CELF2: variants seen among roughly 807,000 people sequenced by gnomAD.
CELF2 encodes CUGBP Elav-like family member 2.
In CELF2, 8 loss-of-function variants were observed where a neutral mutation model predicts 62.6. The ratio of observed to expected loss-of-function variants is 0.13; its 90% CI spans 0.07 to 0.23. CELF2 has a LOEUF of 0.23. Among genes scored for constraint, CELF2 ranks in the 10% least tolerant of loss-of-function variants. The pLI is 1.00. For synonymous variants in CELF2, 258 were observed against 250.0 expected (o/e 1.03, Z -0.30); for missense variants, 333 against 671.0 (o/e 0.50, Z 5.56).
intron 1 of CELF2, among the ~76,000 whole-genome samples, chr10:11,094,870 T>C (rs2049350710): frequency 6.6e-6 from 1 of 152,200 alleles, no homozygotes; most frequent in Non-Finnish European, 1.5e-5. Flanking sequence ...TGCAAAACCT[T>C]GAAGGATACA....
the CELF2 span, among the ~76,000 whole-genome samples, chr10:10,727,164 G>A: frequency 6.6e-6 from 1 of 152,196 alleles, no homozygotes; most frequent in Non-Finnish European, 1.5e-5. Context: ...CATGAGATTT[G>A]TGTGGGGACA....
rs2082432705 is a variant in CELF2 at position 11,267,350 on chromosome 10, C to T, written c.618+673C>T. On this transcript the variant is annotated intron_variant, in intron 6 of 12. Transcript: ENST00000633077. The surrounding 1 kb of genome is among the most constrained non-coding windows in gnomAD (Gnocchi z 4.4). ...GTAAACACCCTGGTGTGGATGCACA[C>T]CCACGAACCTAGATAGATGGCTCTG... Among the ~76,000 whole-genome samples the T allele has an allele frequency of 6.6e-6, 1 of 152,164 alleles. No individual in the cohort carries two copies. The highest frequency in any genetic ancestry group is 1.5e-5 in the Non-Finnish European group (1 of 68,024).
chr10:11,200,186 C>G (rs192252817), intron 2 of CELF2, among the ~76,000 whole-genome samples: 1 of 152,288 alleles, frequency 6.6e-6, no homozygotes, highest in Admixed American at 6.5e-5. Flanking sequence ...AAATAGTTTT[C>G]AAGAACCAGT....
At chr10:11,056,577 A>T (rs1328737714) in intron 1 of CELF2, among the ~76,000 whole-genome samples, 1 of 152,222 alleles carries the variant, frequency 6.6e-6, no homozygotes, top group East Asian at 1.9e-4. Flanking sequence ...GCAGAAAGGG[A>T]AGGTATTTGA....
chr10:10,769,223 G>C, the CELF2 span, among the ~76,000 whole-genome samples: 1 of 152,136 alleles, frequency 6.6e-6, no homozygotes, highest in Non-Finnish European at 1.5e-5. Context: ...TATCAGGCGA[G>C]AGAAAATGGA....
intron 1 of CELF2, chr10:10,918,067 C>T: frequency 6.6e-6 from 1 of 152,168 alleles, no homozygotes; most frequent in East Asian, 1.9e-4. Context: ...ATCTCACCCT[C>T]AAGGTCAACG....
rs1321799604 is a variant in CELF2, at chr10:11,243,580, C to T, written c.355-5573C>T. Among the ~76,000 whole-genome samples the T allele has an allele frequency of 6.6e-6, 1 of 152,210 alleles. No individual in the cohort carries two copies. Among genetic ancestry groups the T allele is most frequent in the African/African-American group, 2.4e-5 (1 of 41,452 alleles). ...GAGAGGACCAGAGATCTCCTGTCGT[C>T]TTCCAGGCTTGCTGCAAGTGCAGCT... On this transcript the variant is annotated intron_variant, in intron 3 of 12. Coordinates refer to ENST00000633077, the MANE Select transcript of CELF2 (RefSeq NM_001326342.2). The surrounding 1 kb of genome is among the most constrained non-coding windows in gnomAD (Gnocchi z 4.1).
intron 10 of CELF2, chr10:11,320,787 G>C: frequency 6.9e-7 from 1 of 1,448,258 alleles, no homozygotes; most frequent in Non-Finnish European, 9.3e-7. Flanking sequence ...CCAGTAAATG[G>C]ATTTCAGTGT....
chr10:10,528,347 A>C, the CELF2 span, among the ~76,000 whole-genome samples: 92 of 152,246 alleles, frequency 6.0e-4, no homozygotes, highest in Non-Finnish European at 1.0e-3. Flanking sequence ...AGCTGCAGAC[A>C]CCTTGGCCTT....
chr10:10,926,400 C>T (rs143656575), intron 2 of CELF2, among the ~76,000 whole-genome samples: 2 of 152,294 alleles, frequency 1.3e-5, no homozygotes, highest in East Asian at 3.9e-4. Context: ...TGTGAGGACA[C>T]CGTAAGAAGG....
intron 8 of CELF2, among the ~76,000 whole-genome samples, chr10:11,277,180 G>A (rs981962203): frequency 2.6e-5 from 4 of 152,174 alleles, no homozygotes; most frequent in Non-Finnish European, 5.9e-5. Context: ...GAAGTATTAT[G>A]GCTTGGAGTA....
At chr10:11,295,316 C>T (rs2093038075) in intron 9 of CELF2, among the ~76,000 whole-genome samples, 1 of 152,210 alleles carries the variant, frequency 6.6e-6, no homozygotes, top group Non-Finnish European at 1.5e-5. Context: ...TTCCTACCTG[C>T]ATGTCCTTTC....
chr10:10,536,683 T>A, the CELF2 span, among the ~76,000 whole-genome samples: 1 of 151,868 alleles, frequency 6.6e-6, no homozygotes, highest in African/African-American at 2.4e-5. Context: ...GTGAAAAGAG[T>A]TTGATGAGGG....
rs181716761 is a variant in CELF2, at chr10:10,944,553, C to T, written c.89+24554C>T. On this transcript the variant is annotated intron_variant, in intron 2 of 13. Transcript: ENST00000636488. Reference sequence around the variant, plus strand: ...AGAGGGGGCAAGAGAGGTCCCCTCACAAGAATGGTAGTGAGCGGCACAGAA... The same window carrying T: ...AGAGGGGGCAAGAGAGGTCCCCTCATAAGAATGGTAGTGAGCGGCACAGAA... Among the ~76,000 whole-genome samples the T allele has an allele frequency of 5.8e-4, 89 of 152,232 alleles. No homozygotes were observed. The South Asian group carries it at 0.017, about 30-fold the overall frequency.
the CELF2 span, among the ~76,000 whole-genome samples, chr10:10,722,678 A>G: frequency 7.9e-5 from 12 of 152,372 alleles, no homozygotes; most frequent in Admixed American, 3.3e-4. Context: ...CTTTCCACAG[A>G]GAAAGAGACT....
At chr10:10,976,549 A>T (rs2051361742) in intron 2 of CELF2, among the ~76,000 whole-genome samples, 1 of 151,860 alleles carries the variant, frequency 6.6e-6, no homozygotes, top group Non-Finnish European at 1.5e-5. Context: ...CCTGAAGATC[A>T]CCTTTCATTT....
intron 1 of CELF2, among the ~76,000 whole-genome samples, chr10:10,865,089 T>A (rs1044990595): frequency 1.3e-5 from 2 of 152,004 alleles, no homozygotes; most frequent in Non-Finnish European, 2.9e-5. Flanking sequence ...ATGAGGAAAA[T>A]TTTTTTTCCT....
At chr10:11,115,996 A>G (rs568519622) in intron 1 of CELF2, among the ~76,000 whole-genome samples, 21 of 152,358 alleles carry the variant, frequency 1.4e-4, no homozygotes, top group African/African-American at 5.0e-4. Context: ...TCCCTGTAGC[A>G]GCCAGCATGG....
rs1343557560 is a variant in CELF2, at chr10:11,309,322, C to T, written c.977-4817C>T. ...CTTCTCATTTGTGTTTATTTCCTTA[C>T]TGATTTAGCAAGAATAATTCAGTGA... On this transcript the variant is annotated intron_variant, in intron 9 of 12. Transcript: ENST00000633077. This position sits in a 1 kb window ranked among gnomAD's most constrained non-coding sequence, Gnocchi z 5.6. Among the ~76,000 whole-genome samples, 1 of 152,228 alleles carries T rather than the reference C, an allele frequency of 6.6e-6. No individual in the cohort carries two copies. The highest frequency in any genetic ancestry group is 1.5e-5 in the Non-Finnish European group (1 of 68,030).
Sources: allele counts gnomAD v4.1 joint callset (sites outside exome capture counted in the v4.1 genomes callset), GRCh38; gene constraint gnomAD v4.1.1; non-coding constraint Gnocchi (gnomAD v3.1); transcripts MANE v1.5; gene names NCBI Gene and HGNC (gene_info 2026-07-23, HGNC 2026-07-21).